Variants in CCSER1 observed in about 807,000 individuals in gnomAD.
CCSER1 encodes the protein serine-rich coiled-coil domain-containing protein 1.
A neutral mutation model predicts 82.0 loss-of-function variants in CCSER1; 41 were observed. That is an observed-to-expected ratio of 0.50 (90% CI 0.39 to 0.65). The LOEUF (loss-of-function observed/expected upper bound fraction) is 0.65. Ranked by LOEUF, CCSER1 falls within the 30% of genes least tolerant of loss-of-function variation. The pLI is 0.00. For missense variants in CCSER1, 1,119 were observed against 1,064.2 expected (o/e 1.05, Z -0.72); for synonymous variants, 414 against 383.9 (o/e 1.08, Z -0.92).
chr4:90,732,815 C>T (rs1744987797), intron 7 of CCSER1, among the ~76,000 whole-genome samples: 2 of 152,124 alleles, frequency 1.3e-5, no homozygotes, highest in African/African-American at 4.8e-5. Flanking sequence ...ATTTCACTTA[C>T]CATAATGACT....
At chr4:90,997,542 T>C (rs914749952) in intron 9 of CCSER1, among the ~76,000 whole-genome samples, 7 of 152,120 alleles carry the variant, frequency 4.6e-5, no homozygotes, top group Non-Finnish European at 1.0e-4. Flanking sequence ...ATTTGGGGGA[T>C]AGGAGCAGAG....
At chr4:90,542,279 G>C (rs996948965) in intron 5 of CCSER1, among the ~76,000 whole-genome samples, 6 of 152,054 alleles carry the variant, frequency 3.9e-5, no homozygotes, top group Non-Finnish European at 8.8e-5. Flanking sequence ...TTTGTTACCT[G>C]ATGACACTAT....
At chr4:91,174,685 GT>G (rs1733121808) in intron 10 of CCSER1, among the ~76,000 whole-genome samples, 1 of 152,036 alleles carries the variant, frequency 6.6e-6, no homozygotes, top group South Asian at 2.1e-4. Context: ...ACTATCTAAT[GT>G]TTAATGTGTT....
In CCSER1 at chr4:91,598,866, G is replaced by C. The variant is rs1764706647; in HGVS notation, c.2512G>C (p.Gly838Arg). Reference sequence around the variant, plus strand: ...TCTGAAGCCAACAGCTAAGACAGAAGGGCTCTCCACGTTCTTAGAGAAACC... The same window carrying C: ...TCTGAAGCCAACAGCTAAGACAGAACGGCTCTCCACGTTCTTAGAGAAACC... ...SSLKPTAKTE[G>R]LSTFLEKPKD... The change falls in exon 11 of 11, where the codon GGG (glycine) becomes CGG (arginine). Residue 838 changes from glycine to arginine, a missense_variant. Gly to Arg is a moderately radical substitution (Grantham distance 125). Transcript: ENST00000509176. The C allele has an allele frequency of 6.4e-7, 1 of 1,551,620 alleles. No homozygotes were observed. The highest frequency in any genetic ancestry group is 8.7e-7 in the Non-Finnish European group (1 of 1,146,918).
intron 10 of CCSER1, among the ~76,000 whole-genome samples, chr4:91,423,117 T>G (rs1560658994): frequency 6.6e-6 from 1 of 151,950 alleles, no homozygotes; most frequent in Non-Finnish European, 1.5e-5. Flanking sequence ...TATAGTATTG[T>G]TTTTTTCTTT....
At chr4:90,893,059 G>A (rs755794529) in intron 8 of CCSER1, among the ~76,000 whole-genome samples, 5 of 152,030 alleles carry the variant, frequency 3.3e-5, no homozygotes, top group Admixed American at 6.6e-5. Flanking sequence ...TGGCCTGTGA[G>A]CTCATATTAT....
intron 6 of CCSER1, among the ~76,000 whole-genome samples, chr4:90,670,472 G>A (rs1732591914): frequency 6.6e-6 from 1 of 151,982 alleles, no homozygotes; most frequent in Non-Finnish European, 1.5e-5. Flanking sequence ...CCCACCTTGA[G>A]GCAAAGGGGC....
At chr4:90,654,223 C>T (rs1272369694) in intron 6 of CCSER1, among the ~76,000 whole-genome samples, 6 of 151,972 alleles carry the variant, frequency 3.9e-5, no homozygotes, top group Non-Finnish European at 4.4e-5. Flanking sequence ...TATGTGAATT[C>T]GTTGGGATGC....
At chr4:90,213,291 G>A (rs145351977) in intron 1 of CCSER1, among the ~76,000 whole-genome samples, 253 of 152,264 alleles carry the variant, frequency 1.7e-3, no homozygotes, top group African/African-American at 5.8e-3. Context: ...ATATGGAATT[G>A]CCATTTTCTG....
intron 10 of CCSER1, among the ~76,000 whole-genome samples, chr4:91,248,735 T>A (rs540805899): frequency 6.6e-6 from 1 of 152,102 alleles, no homozygotes; most frequent in African/African-American, 2.4e-5. Context: ...AGGTAAAAAC[T>A]AAGAAAAATA....
chr4:90,914,049 G>A (rs7664770), intron 8 of CCSER1, among the ~76,000 whole-genome samples: 89,397 of 151,876 alleles, frequency 0.59, 27,724 homozygotes, highest in African/African-American at 0.79. Context: ...ATAATGGGAG[G>A]CTTTAACACC....
chr4:90,204,434 A>G (rs1437245703), intron 1 of CCSER1, among the ~76,000 whole-genome samples: 1 of 152,186 alleles, frequency 6.6e-6, no homozygotes. Flanking sequence ...TCCCAACACC[A>G]TTTATTAAAT....
chr4:90,161,759 A>G (rs1243327133), intron 1 of CCSER1, among the ~76,000 whole-genome samples: 1 of 152,176 alleles, frequency 6.6e-6, no homozygotes, highest in Non-Finnish European at 1.5e-5. Context: ...ATGAACTAAC[A>G]AATTCCTTGA....
chr4:91,567,229 C>T (rs1762933171), intron 10 of CCSER1, among the ~76,000 whole-genome samples: 1 of 152,000 alleles, frequency 6.6e-6, no homozygotes, highest in South Asian at 2.1e-4. Context: ...ATTTTTATTG[C>T]ACTATGATCT....
At chr4:90,900,941 T>TACCA in intron 8 of CCSER1, among the ~76,000 whole-genome samples, 2 of 152,082 alleles carry the variant, frequency 1.3e-5, no homozygotes, top group Non-Finnish European at 2.9e-5. Flanking sequence ...GGTCTAGTAG[T>TACCA]ATTTGTTCTA....
intron 6 of CCSER1, among the ~76,000 whole-genome samples, chr4:90,706,183 A>T (rs760626870): frequency 3.9e-4 from 59 of 152,350 alleles, no homozygotes; most frequent in Non-Finnish European, 5.6e-4. Flanking sequence ...TCCGTTGTTT[A>T]AAAGTTACCT....
At chr4:91,494,925 C>A (rs981562610) in intron 10 of CCSER1, among the ~76,000 whole-genome samples, 6 of 151,496 alleles carry the variant, frequency 4.0e-5, no homozygotes, top group African/African-American at 1.5e-4. Flanking sequence ...CGCAGCATTC[C>A]ATAGGAGGAT....
At chr4:91,561,799 A>G (rs373397066) in intron 10 of CCSER1, among the ~76,000 whole-genome samples, 1 of 151,416 alleles carries the variant, frequency 6.6e-6, no homozygotes, top group Non-Finnish European at 1.5e-5. Context: ...CAGTTTCTTT[A>G]TAGCTGTCAC....
intron 3 of CCSER1, among the ~76,000 whole-genome samples, chr4:90,326,957 AT>A (rs1427112126): frequency 6.6e-6 from 1 of 152,146 alleles, no homozygotes; most frequent in Non-Finnish European, 1.5e-5. Flanking sequence ...TAGCCTATAT[AT>A]TTTTAGATTC....
Sources: allele counts gnomAD v4.1 joint callset (sites outside exome capture counted in the v4.1 genomes callset), GRCh38; gene constraint gnomAD v4.1.1; transcripts MANE v1.5; gene names NCBI Gene and HGNC (gene_info 2026-07-23, HGNC 2026-07-21).